Variants in ANGPTL2 observed in about 807,000 individuals in gnomAD.
ANGPTL2 encodes the protein angiopoietin-related protein 2.
A neutral mutation model predicts 52.8 loss-of-function variants in ANGPTL2; 25 were observed. The ratio of observed to expected loss-of-function variants is 0.47; its 90% CI spans 0.35 to 0.66. The LOEUF (loss-of-function observed/expected upper bound fraction) is 0.66, where lower values mean the gene tolerates loss of function less well. Among genes scored for constraint, ANGPTL2 ranks in the 30% least tolerant of loss-of-function variants. ANGPTL2 has a pLI of 0.01. For synonymous variants in ANGPTL2, 276 were observed against 277.4 expected (o/e 1.00, Z 0.05); for missense variants, 546 against 656.9 (o/e 0.83, Z 1.84).
intron 1 of ANGPTL2, among the ~76,000 whole-genome samples, chr9:127,112,068 G>A (rs2054871673): frequency 6.6e-6 from 1 of 152,196 alleles, no homozygotes; most frequent in Non-Finnish European, 1.5e-5. Flanking sequence ...AGTTACAAAA[G>A]AGACCCTGTG....
At chr9:127,103,918 C>T (rs2053976778) in intron 2 of ANGPTL2, among the ~76,000 whole-genome samples, 1 of 152,150 alleles carries the variant, frequency 6.6e-6, no homozygotes, top group Non-Finnish European at 1.5e-5. Context: ...GTAGTTAAAA[C>T]ATACTTTGGT....
chr9:127,114,559 G>A (rs1023378402), intron 1 of ANGPTL2, among the ~76,000 whole-genome samples: 2 of 152,170 alleles, frequency 1.3e-5, no homozygotes, highest in African/African-American at 2.4e-5. Context: ...AATTAAATCC[G>A]GATCTCAGGA....
intron 2 of ANGPTL2, among the ~76,000 whole-genome samples, chr9:127,100,961 A>G (rs770880369): frequency 1.3e-5 from 2 of 152,142 alleles, no homozygotes; most frequent in Non-Finnish European, 2.9e-5. Context: ...GATTTCTGGT[A>G]TGCATTCTTT....
At chr9:127,103,411 C>T (rs74514309) in intron 2 of ANGPTL2, among the ~76,000 whole-genome samples, 4,938 of 152,316 alleles carry the variant, frequency 0.032, 128 homozygotes, top group Non-Finnish European at 0.051. Context: ...GTCATGTCTA[C>T]TGACATTTAT....
At chr9:127,120,160 CTATGGATCCTCCTGATTTTGT>C (rs1349907353) in intron 1 of ANGPTL2, among the ~76,000 whole-genome samples, 1 of 152,198 alleles carries the variant, frequency 6.6e-6, no homozygotes, top group Non-Finnish European at 1.5e-5. Flanking sequence ...GCAAACCTGA[CTATGGATCCTCCTGATTTTGT>C]GAGCTTCCCA....
rs1223935013 is a variant in ANGPTL2 at position 127,089,121 on chromosome 9, G to A, written c.1300C>T (p.Gln434Ter). Reference protein sequence around the residue: ...DVYTGNCAHYQKGGWWYNACA... With the variant: ...DVYTGNCAHY ...GCGTTATACCACCAGCCTCCCTTCT[G>A]GTAGTGGGCACAGTTTCCTGCAAGA... is the stretch of plus-strand genomic sequence containing the variant. The change falls in exon 5 of 5, where the codon CAG becomes TAG. Residue 434 changes from glutamine to a stop codon, truncating the protein, a stop_gained. Coordinates refer to ENST00000373425, the MANE Select transcript of ANGPTL2 (RefSeq NM_012098.3). LOFTEE classifies it high-confidence loss of function. The A allele has an allele frequency of 6.2e-7, 1 of 1,614,206 alleles. No homozygotes were observed. The highest frequency in any genetic ancestry group is 8.5e-7 in the Non-Finnish European group (1 of 1,180,044).
chr9:127,107,869 G>T (rs749860552), intron 2 of ANGPTL2, 46 bp downstream of exon 2: 7 of 1,498,258 alleles, frequency 4.7e-6, no homozygotes, highest in Non-Finnish European at 1.8e-6. Context: ...GAAGCCTGGT[G>T]CCTGGCTCTG....
At chr9:127,118,418 A>C (rs1483269654) in intron 1 of ANGPTL2, among the ~76,000 whole-genome samples, 3 of 152,250 alleles carry the variant, frequency 2.0e-5, no homozygotes. Flanking sequence ...GGGGTGTTTT[A>C]TATAAATTCA....
chr9:127,091,809 G>T lies in ANGPTL2; in HGVS notation c.1143C>A (p.Tyr381Ter), dbSNP rs150529088. Reference protein sequence around the residue: ...DWSGRKVFAEYASFRLEPESE... With the variant: ...DWSGRKVFAE The stretch of plus-strand genomic sequence containing the variant: ...TCTCAGGTTCCAGGCGGAAACTGGC[G>T]TATTCTGCAAAGACTTTGCGGCCGG... Residue 381 changes from tyrosine to a stop codon, truncating the protein, a stop_gained, in exon 4 of 5, where the codon TAC becomes TAA. Transcript: ENST00000373425. LOFTEE classifies it high-confidence loss of function. The surrounding 1 kb of genome is among the most constrained non-coding windows in gnomAD (Gnocchi z 4.3). 3 of 1,614,186 alleles carry T rather than the reference G, an allele frequency of 1.9e-6. No individual in the cohort carries two copies. The highest frequency in any genetic ancestry group is 2.5e-6 in the Non-Finnish European group (3 of 1,180,034).
At chr9:127,111,604 T>A (rs957293904) in intron 1 of ANGPTL2, among the ~76,000 whole-genome samples, 1 of 152,194 alleles carries the variant, frequency 6.6e-6, no homozygotes, top group African/African-American at 2.4e-5. Context: ...GGCCTATGTG[T>A]GTATTTATTA....
rs140066485 is a variant in ANGPTL2 at position 127,108,656 on chromosome 9, C to T, written c.76G>A (p.Gly26Ser). ...GAGCCCTCCTCAGTGCCCTCAAAACCGTCCTCCTGGCCTGCAACAGCTCCC... is the reference window on the plus strand; with the variant it reads ...GAGCCCTCCTCAGTGCCCTCAAAACTGTCCTCCTGGCCTGCAACAGCTCCC... ...AMGAVAGQED[G>S]FEGTEEGSPR... The change falls in exon 2 of 5, where the codon GGT (glycine) becomes AGT (serine). Residue 26 changes from glycine (G) to serine (S), a missense_variant. Around this residue, in one of 2 missense-constraint regions of ANGPTL2, gnomAD observed 285 missense variants for 295.8 expected, o/e 0.96. Transcript: ENST00000373425. The T allele has an allele frequency of 2.9e-5, 46 of 1,613,756 alleles. No individual in the cohort carries two copies. The African/African-American group carries it at 4.5e-4, about 16-fold the overall frequency.
intron 1 of ANGPTL2, among the ~76,000 whole-genome samples, chr9:127,118,834 G>A (rs2055732206): frequency 1.3e-5 from 2 of 152,244 alleles, no homozygotes; most frequent in Admixed American, 6.5e-5. Flanking sequence ...GTTGCTGAAT[G>A]TACCTGCTTT....
intron 3 of ANGPTL2, 85 bp downstream of exon 3, chr9:127,093,647 TG>T: frequency 6.7e-7 from 1 of 1,496,222 alleles, no homozygotes. Flanking sequence ...TACCTCTGAG[TG>T]GGCTCTTCTA....
At chr9:127,115,180 A>T (rs771484574) in intron 1 of ANGPTL2, among the ~76,000 whole-genome samples, 1 of 151,206 alleles carries the variant, frequency 6.6e-6, no homozygotes, top group Non-Finnish European at 1.5e-5. Context: ...TGTCTTACGT[A>T]ATTATTATTA....
At chr9:127,118,241 GT>G (rs1202957327) in intron 1 of ANGPTL2, among the ~76,000 whole-genome samples, 1 of 152,100 alleles carries the variant, frequency 6.6e-6, no homozygotes, top group African/African-American at 2.4e-5. Context: ...ACAGGCCATC[GT>G]AACGTTGTAA....
intron 1 of ANGPTL2, among the ~76,000 whole-genome samples, chr9:127,110,714 C>T (rs187832416): frequency 2.0e-5 from 3 of 152,156 alleles, no homozygotes; most frequent in Admixed American, 6.5e-5. Flanking sequence ...TTGCTCAGGC[C>T]GAAAGTCTTG....
At chr9:127,118,104 G>A (rs2055631817) in intron 1 of ANGPTL2, among the ~76,000 whole-genome samples, 1 of 152,118 alleles carries the variant, frequency 6.6e-6, no homozygotes, top group South Asian at 2.1e-4. Context: ...CACCAGACTG[G>A]AGTGCAGTGG....
At chr9:127,119,002 A>C (rs1322427785) in intron 1 of ANGPTL2, among the ~76,000 whole-genome samples, 1 of 152,198 alleles carries the variant, frequency 6.6e-6, no homozygotes, top group African/African-American at 2.4e-5. Context: ...ACGGATGTAG[A>C]AAGCGCATCA....
chr9:127,105,877 G>A (rs1475321908), intron 2 of ANGPTL2, among the ~76,000 whole-genome samples: 1 of 152,228 alleles, frequency 6.6e-6, no homozygotes, highest in Non-Finnish European at 1.5e-5. Flanking sequence ...CTAGCATGTA[G>A]TAGGGGCTCA....
Sources: gnomAD v4.1 joint callset for allele counts (sites outside exome capture counted in the v4.1 genomes callset) on GRCh38, gnomAD v4.1.1 for gene constraint, gnomAD v4.1.1 regional missense constraint, Gnocchi (gnomAD v3.1) non-coding constraint, MANE v1.5 for transcripts, NCBI Gene and HGNC (gene_info 2026-07-23, HGNC 2026-07-21) for gene names.